Variants in LRRC28 observed in about 807,000 individuals in gnomAD.
LRRC28 encodes the protein leucine-rich repeat-containing protein 28.
A neutral mutation model predicts 45.7 loss-of-function variants in LRRC28; 39 were observed. That is an observed-to-expected ratio of 0.85 (90% CI 0.66 to 1.12). The LOEUF is 1.12. LRRC28 is among the 50% of genes most tolerant of loss of function. The probability of loss-of-function intolerance (pLI) is 0.00; values close to 1 mark genes in which losing one functional copy is unlikely to be tolerated. For missense variants in LRRC28, 435 were observed against 438.5 expected, an observed-to-expected ratio of 0.99 and a Z score of 0.07; for synonymous variants, 206 against 178.8, an observed-to-expected ratio of 1.15 and a Z score of -1.22.
chr15:99,346,627 G>T (rs561508547), intron 6 of LRRC28, among the ~76,000 whole-genome samples: 35 of 152,004 alleles, frequency 2.3e-4, no homozygotes, highest in African/African-American at 8.2e-4. Flanking sequence ...TAAAGTACTT[G>T]AAAAAATATC....
At chr15:99,363,300 C>A (rs1348923563) in intron 9 of LRRC28, 35 bp downstream of exon 9, 1 of 1,608,304 alleles carries the variant, frequency 6.2e-7, no homozygotes, top group Non-Finnish European at 8.5e-7. Context: ...GGGTTTACAC[C>A]CAGGCAAGGG....
chr15:99,324,217 A>C lies in LRRC28; in HGVS notation c.386-9706A>C, dbSNP rs148123095. Among the ~76,000 whole-genome samples, 1,466 of 152,296 alleles carry C rather than the reference A, an allele frequency of 9.6e-3. 16 individuals carry two copies. Among genetic ancestry groups the C allele is most frequent in the Middle Eastern group, 0.017 (5 of 294 alleles). ...TAGACAGGGCGGGTACACTGGACTA[A>C]GGGCTGATTCATACAATGAGGTTTC... On this transcript the variant is annotated intron_variant, in intron 5 of 9. Coordinates refer to ENST00000301981, the MANE Select transcript of LRRC28 (RefSeq NM_144598.5).
chr15:99,289,499 C>T (rs1481075883), intron 5 of LRRC28, among the ~76,000 whole-genome samples: 1 of 152,104 alleles, frequency 6.6e-6, no homozygotes, highest in Non-Finnish European at 1.5e-5. Flanking sequence ...AAAAATTATG[C>T]ATGTTAAACC....
intron 9 of LRRC28, among the ~76,000 whole-genome samples, chr15:99,380,490 A>G (rs112992129): frequency 1.7e-3 from 257 of 152,228 alleles, no homozygotes; most frequent in African/African-American, 5.8e-3. Context: ...ACTCTATCCA[A>G]TTTGCCAGTC....
At chr15:99,316,103 A>T (rs996829339) in intron 5 of LRRC28, among the ~76,000 whole-genome samples, 3 of 152,196 alleles carry the variant, frequency 2.0e-5, no homozygotes, top group African/African-American at 7.2e-5. Flanking sequence ...AAACATTTAG[A>T]TATTAATGCT....
chr15:99,284,308 C>T (rs2081896284), intron 3 of LRRC28, among the ~76,000 whole-genome samples: 1 of 151,820 alleles, frequency 6.6e-6, no homozygotes, highest in African/African-American at 2.4e-5. Flanking sequence ...ATTTATTCAG[C>T]GTCATGATCA....
chr15:99,353,318 T>A (rs1352008504), intron 7 of LRRC28, among the ~76,000 whole-genome samples: 3 of 152,162 alleles, frequency 2.0e-5, no homozygotes, highest in Non-Finnish European at 4.4e-5. Flanking sequence ...TATGAGTAGT[T>A]CTGGCAAGAA....
intron 2 of LRRC28, among the ~76,000 whole-genome samples, chr15:99,270,648 C>G (rs1239566348): frequency 6.6e-6 from 1 of 152,180 alleles, no homozygotes; most frequent in East Asian, 1.9e-4. Context: ...CATTGTATGG[C>G]TATACCACCA....
At chr15:99,332,088 CT>C (rs1956179752) in intron 5 of LRRC28, 1 of 152,104 alleles carries the variant, frequency 6.6e-6, no homozygotes, top group South Asian at 2.1e-4. Flanking sequence ...AAATTTAGTT[CT>C]TTTTCTTTTT....
At position 99,352,360 on chromosome 15, in the gene LRRC28, C is replaced by G; in HGVS notation, c.593-9C>G. ...TATAGGAATTACAGCACTTTTCTTT[C>G]TAATCCAGATTTAGGTCGATCTCGA... On this transcript the variant is annotated splice_polypyrimidine_tract_variant and intron_variant, in intron 6 of 9. Transcript: ENST00000301981. 1 of 1,600,044 alleles carries G rather than the reference C, an allele frequency of 6.2e-7. No individual in the cohort carries two copies. The highest frequency in any genetic ancestry group is 1.1e-5 in the South Asian group (1 of 89,816).
intron 6 of LRRC28, among the ~76,000 whole-genome samples, chr15:99,344,436 A>G (rs1367654690): frequency 3.3e-5 from 5 of 152,200 alleles, no homozygotes; most frequent in Non-Finnish European, 7.3e-5. Context: ...AAGTGTCTGT[A>G]TTACATACTC....
At chr15:99,314,241 T>G (rs959177294) in intron 5 of LRRC28, among the ~76,000 whole-genome samples, 7 of 152,048 alleles carry the variant, frequency 4.6e-5, no homozygotes, top group African/African-American at 1.7e-4. Flanking sequence ...ATCTAGGAGT[T>G]TGAGATCAGC....
rs977329701 is a variant in LRRC28, at chr15:99,278,216, G to T, written c.209+1600G>T. Among the ~76,000 whole-genome samples the T allele has an allele frequency of 3.3e-5, 5 of 152,164 alleles. No homozygotes were observed. In the South Asian group the frequency reaches 1.0e-3, roughly 32 times the overall value. ...CCTCTAGACAATGTGAAAGTGTCCT[G>T]GAGAGAGTGGACATCCTTGTCTTCT... is the stretch of plus-strand genomic sequence containing the variant. On this transcript the variant is annotated intron_variant, in intron 3 of 9. Transcript: ENST00000301981.
intron 5 of LRRC28, among the ~76,000 whole-genome samples, chr15:99,289,681 C>G (rs2082057109): frequency 6.6e-6 from 1 of 151,980 alleles, no homozygotes; most frequent in Non-Finnish European, 1.5e-5. Flanking sequence ...CGCCTGTAAT[C>G]CCAGCACTTT....
At chr15:99,347,429 G>T (rs939735642) in intron 6 of LRRC28, among the ~76,000 whole-genome samples, 2 of 152,172 alleles carry the variant, frequency 1.3e-5, no homozygotes, top group African/African-American at 4.8e-5. Flanking sequence ...GGATGGTCTT[G>T]ATCTCCTGAC....
chr15:99,277,162 C>G (rs1235383446), intron 3 of LRRC28, among the ~76,000 whole-genome samples: 4 of 151,996 alleles, frequency 2.6e-5, no homozygotes, highest in South Asian at 2.1e-4. Flanking sequence ...TTATATTTCT[C>G]TCTCTCCTTA....
intron 9 of LRRC28, among the ~76,000 whole-genome samples, chr15:99,368,083 T>C (rs1326994871): frequency 6.6e-6 from 1 of 152,154 alleles, no homozygotes; most frequent in African/African-American, 2.4e-5. Context: ...AGACTAAATA[T>C]ATATTTCACA....
At chr15:99,331,582 A>ATCCT (rs1395681311) in intron 5 of LRRC28, among the ~76,000 whole-genome samples, 1 of 152,178 alleles carries the variant, frequency 6.6e-6, no homozygotes, top group Non-Finnish European at 1.5e-5. Flanking sequence ...TCCAAAAAAC[A>ATCCT]TCCTTTCATC....
chr15:99,268,697 A>G (rs1395630619), intron 2 of LRRC28, among the ~76,000 whole-genome samples: 3 of 152,172 alleles, frequency 2.0e-5, no homozygotes, highest in Admixed American at 2.0e-4. Flanking sequence ...TATGTCATAA[A>G]CTTACAGAAT....
Sources: gnomAD v4.1 joint callset for allele counts (sites outside exome capture counted in the v4.1 genomes callset) on GRCh38, gnomAD v4.1.1 for gene constraint, MANE v1.5 for transcripts, NCBI Gene and HGNC (gene_info 2026-07-23, HGNC 2026-07-21) for gene names.